The following DGKG variants were observed in gnomAD, a reference collection of about 807,000 sequenced individuals.
DGKG encodes DAG kinase gamma.
DGKG carries 78 observed loss-of-function variants against 105.3 expected under a neutral mutation model. That is an observed-to-expected ratio of 0.74 (90% CI 0.62 to 0.89). The LOEUF is 0.89. Among genes scored for constraint, DGKG ranks in the 40% least tolerant of loss-of-function variants. The probability of loss-of-function intolerance (pLI) is 0.00; values close to 1 mark genes in which losing one functional copy is unlikely to be tolerated. For synonymous variants in DGKG, 346 were observed against 367.1 expected (o/e 0.94, Z 0.66); for missense variants, 958 against 1,020.1 (o/e 0.94, Z 0.83).
At chr3:186,211,916 A>G in intron 20 of DGKG, 31 bp from the exon 21 acceptor site, 2 of 1,551,758 alleles carry the variant, frequency 1.3e-6, no homozygotes, top group Non-Finnish European at 1.8e-6. Context: ...ATGTCTCAAT[A>G]TTCCATACTT....
At chr3:186,288,625 C>T in intron 6 of DGKG, 85 bp downstream of exon 6, 1 of 1,424,934 alleles carries the variant, frequency 7.0e-7, no homozygotes, top group Non-Finnish European at 9.7e-7. Context: ...TCAACTCAAT[C>T]TCCAGTGTGT....
chr3:186,332,006 CTG>C (rs890290284), intron 1 of DGKG, among the ~76,000 whole-genome samples: 5 of 1,602 alleles, frequency 3.1e-3, no homozygotes, highest in Non-Finnish European at 9.5e-3. Flanking sequence ...GAATCTAAGT[CTG>C]TGTTGTTCAA....
Position 186,358,838 on chromosome 3 carries a change from C to G in DGKG, c.-249+3108G>C, listed in dbSNP as rs544521086. On this transcript the variant is annotated intron_variant, in intron 1 of 24. Transcript: ENST00000265022. Reference sequence around the variant, plus strand: ...TGAACCTGGCTGTGATCATGATGCACGTTCACAAGAGTGAATGTTGTTATA... The same window carrying G: ...TGAACCTGGCTGTGATCATGATGCAGGTTCACAAGAGTGAATGTTGTTATA... Among the ~76,000 whole-genome samples, 4 of 152,132 alleles carry G rather than the reference C, an allele frequency of 2.6e-5. No homozygotes were observed. In the East Asian group the frequency reaches 7.7e-4, roughly 29 times the overall value.
intron 1 of DGKG, among the ~76,000 whole-genome samples, chr3:186,330,852 T>G (rs1725567135): frequency 6.6e-6 from 1 of 152,208 alleles, no homozygotes; most frequent in South Asian, 2.1e-4. Context: ...GGATTCCCAA[T>G]GCACAGAAAC....
At chr3:186,294,970 A>G (rs1013410138) in intron 5 of DGKG, among the ~76,000 whole-genome samples, 1 of 152,124 alleles carries the variant, frequency 6.6e-6, no homozygotes, top group Non-Finnish European at 1.5e-5. Context: ...TGAGCTTATG[A>G]TCCAGGGGTA....
At chr3:186,197,583 G>C (rs1415082100) in intron 21 of DGKG, among the ~76,000 whole-genome samples, 1 of 152,192 alleles carries the variant, frequency 6.6e-6, no homozygotes, top group African/African-American at 2.4e-5. Flanking sequence ...TGATACCGTG[G>C]GCGGGGAGCA....
At chr3:186,167,907 C>T (rs1192072111) in intron 22 of DGKG, among the ~76,000 whole-genome samples, 1 of 152,116 alleles carries the variant, frequency 6.6e-6, no homozygotes, top group Non-Finnish European at 1.5e-5. Flanking sequence ...AGGGAGAAAC[C>T]AAGTTAGGTG....
intron 1 of DGKG, among the ~76,000 whole-genome samples, chr3:186,345,830 C>T (rs1288941527): frequency 6.6e-6 from 1 of 152,146 alleles, no homozygotes. Context: ...AGTGCAGTGG[C>T]GCGATCTCAG....
chr3:186,298,028 G>A (rs775534454), intron 4 of DGKG, 36 bp downstream of exon 4: 23 of 1,578,664 alleles, frequency 1.5e-5, no homozygotes, highest in Admixed American at 3.6e-5. Context: ...TGAGAGCTGC[G>A]CAAGGTCTTC....
chr3:186,183,735 G>T (rs1243722366), intron 22 of DGKG, among the ~76,000 whole-genome samples: 1 of 145,842 alleles, frequency 6.9e-6, no homozygotes, highest in Non-Finnish European at 1.5e-5. Flanking sequence ...ATGAAGTTTC[G>T]CTCTTGTTGC....
Position 186,284,557 on chromosome 3 carries a change from A to G in DGKG, c.594+103T>C. The G allele has an allele frequency of 2.0e-6, 2 of 987,880 alleles. No individual in the cohort carries two copies. Among genetic ancestry groups the G allele is most frequent in the Non-Finnish European group, 3.2e-6 (2 of 620,512 alleles). 61.2% of individuals were successfully genotyped at this position (987,880 alleles called of 1,614,324 possible). A position where few individuals can be genotyped will look rare whatever the true frequency, so the allele number is the denominator to read the frequency against. ...CAGCCTGCATCGAGACATTGCTATTACTACAAAGACGGAACTGAACATTTT... is the reference window on the plus strand; with the variant it reads ...CAGCCTGCATCGAGACATTGCTATTGCTACAAAGACGGAACTGAACATTTT... On this transcript the variant is annotated intron_variant, in intron 7 of 24. Transcript: ENST00000265022. The surrounding 1 kb of genome is among the most constrained non-coding windows in gnomAD (Gnocchi z 4.0).
intron 19 of DGKG, among the ~76,000 whole-genome samples, chr3:186,246,651 A>C (rs1469576032): frequency 6.6e-6 from 1 of 152,222 alleles, no homozygotes; most frequent in African/African-American, 2.4e-5. Flanking sequence ...GTCCCACTGT[A>C]TTAGTATCTT....
At chr3:186,345,654 C>T (rs1306494873) in intron 1 of DGKG, among the ~76,000 whole-genome samples, 1 of 152,226 alleles carries the variant, frequency 6.6e-6, no homozygotes, top group African/African-American at 2.4e-5. Context: ...AGACAAACAC[C>T]AGTCTTTTCA....
chr3:186,304,219 A>C (rs866137384), intron 3 of DGKG, among the ~76,000 whole-genome samples: 14 of 152,164 alleles, frequency 9.2e-5, no homozygotes, highest in African/African-American at 2.7e-4. Flanking sequence ...AGCCGCCGCC[A>C]GGCTTTGTTC....
At chr3:186,260,390 T>G in intron 16 of DGKG, 49 bp downstream of exon 16, 1 of 1,381,448 alleles carries the variant, frequency 7.2e-7, no homozygotes, top group Non-Finnish European at 1.0e-6. Flanking sequence ...TTCATTGGAG[T>G]TTAAAAGGGA....
At chr3:186,200,415 G>A (rs1718394886) in intron 21 of DGKG, among the ~76,000 whole-genome samples, 1 of 152,192 alleles carries the variant, frequency 6.6e-6, no homozygotes, top group Non-Finnish European at 1.5e-5. Flanking sequence ...TCAACATCAG[G>A]AAGAACTTTC....
rs189620668 is a variant in DGKG, at chr3:186,326,788, T to A, written c.-248-6081A>T. 2.0e-5 allele frequency among the ~76,000 whole-genome samples: 3 copies of A among 152,358 alleles called. No individual in the cohort carries two copies. The East Asian group carries it at 5.8e-4, about 29-fold the overall frequency. ...TTTCTCACTCCCATCAGTTTCTGTTTGTATTTCATTTTAGGATGTTTTCTT... is the reference window on the plus strand; with the variant it reads ...TTTCTCACTCCCATCAGTTTCTGTTAGTATTTCATTTTAGGATGTTTTCTT... On this transcript the variant is annotated intron_variant, in intron 1 of 24. Coordinates refer to ENST00000265022, the MANE Select transcript of DGKG (RefSeq NM_001346.3).
intron 1 of DGKG, among the ~76,000 whole-genome samples, chr3:186,341,382 C>T (rs1184641691): frequency 6.6e-6 from 1 of 152,188 alleles, no homozygotes; most frequent in Non-Finnish European, 1.5e-5. Flanking sequence ...TGCAGTGGTA[C>T]ACAACTGTAG....
intron 20 of DGKG, among the ~76,000 whole-genome samples, chr3:186,236,841 C>T (rs1720443358): frequency 6.6e-6 from 1 of 152,204 alleles, no homozygotes; most frequent in Non-Finnish European, 1.5e-5. Context: ...CTGAGAGACG[C>T]GGTCAAGTGG....
Sources: allele counts gnomAD v4.1 joint callset (sites outside exome capture counted in the v4.1 genomes callset), GRCh38; gene constraint gnomAD v4.1.1; non-coding constraint Gnocchi (gnomAD v3.1); transcripts MANE v1.5; gene names NCBI Gene and HGNC (gene_info 2026-07-23, HGNC 2026-07-21).